Variants in CEMIP observed in about 807,000 individuals in gnomAD.
CEMIP encodes cell migration inducing hyaluronidase 1.
CEMIP carries 105 observed loss-of-function variants against 156.9 expected under a neutral mutation model. The observed-to-expected ratio is 0.67, with a 90% CI of 0.57 to 0.79. The LOEUF is 0.79. Ranked by LOEUF, CEMIP falls within the 30% of genes least tolerant of loss-of-function variation. CEMIP has a pLI of 0.00. For missense variants in CEMIP, 1,457 were observed against 1,769.4 expected (o/e 0.82, Z 3.17); for synonymous variants, 676 against 668.4 (o/e 1.01, Z -0.17).
intron 14 of CEMIP, among the ~76,000 whole-genome samples, chr15:80,917,309 G>GGCAGGAC (rs1326459510): frequency 2.0e-4 from 30 of 152,070 alleles, no homozygotes; most frequent in African/African-American, 7.0e-4. Flanking sequence ...GGAGGCAGGA[G>GGCAGGAC]GCAGGAGGCA....
At chr15:80,823,276 C>T (rs549632345) in intron 1 of CEMIP, among the ~76,000 whole-genome samples, 19 of 152,278 alleles carry the variant, frequency 1.2e-4, no homozygotes, top group African/African-American at 4.3e-4. Flanking sequence ...AAACACAAGT[C>T]GTTCCGTTGA....
intron 1 of CEMIP, among the ~76,000 whole-genome samples, chr15:80,806,648 G>A (rs1246020503): frequency 6.6e-6 from 1 of 152,190 alleles, no homozygotes; most frequent in Admixed American, 6.5e-5. Flanking sequence ...CTGGACAGCT[G>A]ATTGAGAGAG....
In CEMIP at chr15:80,950,910, C is replaced by A. The variant is rs924051689; in HGVS notation, c.*1986C>A. On this transcript the variant is annotated 3_prime_UTR_variant, in exon 30 of 30. Transcript: ENST00000394685. ...AAGAGGGCCTGCCTGGCTCCCTCCA[C>A]CCAACTGCACCCATGAGACTCGGTC... 2 of 152,758 alleles carry A rather than the reference C, an allele frequency of 1.3e-5. No individual in the cohort carries two copies. The highest frequency in any genetic ancestry group is 4.8e-5 in the African/African-American group (2 of 41,472). 9.5% of individuals were successfully genotyped at this position (152,758 alleles called of 1,614,324 possible).
intron 12 of CEMIP, among the ~76,000 whole-genome samples, chr15:80,905,815 TG>T (rs1303282744): frequency 6.6e-6 from 1 of 151,898 alleles, no homozygotes; most frequent in African/African-American, 2.4e-5. Context: ...GGGGTAAGAC[TG>T]GGGGTCAGTG....
In CEMIP at chr15:80,853,553, G is replaced by A. The variant is rs111936549; in HGVS notation, c.-175-19985G>A. Among the ~76,000 whole-genome samples, 1,169 of 152,252 alleles carry A rather than the reference G, an allele frequency of 7.7e-3. 16 individuals are homozygous for A. The highest frequency in any genetic ancestry group is 0.023 in the African/African-American group (960 of 41,536). ...AGAGATTTGGGAAGCCCTACAATAT[G>A]GTGGTCTTTGAAGCCCTAAGAAGGG... On this transcript the variant is annotated intron_variant, in intron 1 of 29. Coordinates refer to ENST00000394685, the MANE Select transcript of CEMIP (RefSeq NM_001293298.2).
At chr15:80,916,354 G>GT (rs965361869) in intron 14 of CEMIP, among the ~76,000 whole-genome samples, 2 of 152,186 alleles carry the variant, frequency 1.3e-5, no homozygotes, top group Non-Finnish European at 2.9e-5. Flanking sequence ...TGGACCACAC[G>GT]TAACAACAAC....
At position 80,895,023 on chromosome 15, in the gene CEMIP, G is replaced by A. The variant is rs568453376; in HGVS notation, c.1120G>A (p.Glu374Lys). The A allele has an allele frequency of 7.2e-5, 116 of 1,613,992 alleles. No homozygotes were observed. The highest frequency in any genetic ancestry group is 8.4e-5 in the Non-Finnish European group (99 of 1,180,016). ...TTMDGVNLST[E>K]VVYKKGQDYR... is the part of the protein sequence containing the mutation. ...AATGGATGGAGTTAACCTCAGCACC[G>A]AGGTTGTCTACAAAAAAGGCCAGGA... The change falls in exon 11 of 30, where the codon GAG becomes AAG. Residue 374 changes from glutamate (E) to lysine (K), a missense_variant. Glu to Lys is a moderately conservative substitution (Grantham distance 56). This residue lies in a region of CEMIP where 280 missense variants were observed against 300.3 expected (regional missense o/e 0.93). Coordinates refer to ENST00000394685, the MANE Select transcript of CEMIP (RefSeq NM_001293298.2).
intron 1 of CEMIP, among the ~76,000 whole-genome samples, chr15:80,873,076 T>A (rs974905396): frequency 9.2e-5 from 14 of 152,314 alleles, no homozygotes; most frequent in Non-Finnish European, 1.8e-4. Context: ...TAAGGGAATT[T>A]CCTGGAATTC....
intron 7 of CEMIP, 130 bp downstream of exon 7, chr15:80,884,484 A>G: frequency 5.4e-6 from 5 of 921,986 alleles, no homozygotes; most frequent in Non-Finnish European, 8.8e-6. Context: ...GGATGCAGGC[A>G]TTTGCATTTG....
At chr15:80,799,754 C>T (rs1364355919) in intron 1 of CEMIP, among the ~76,000 whole-genome samples, 1 of 152,062 alleles carries the variant, frequency 6.6e-6, no homozygotes, top group Non-Finnish European at 1.5e-5. Flanking sequence ...ATAATGAAAT[C>T]CTGTCTTTTG....
intron 1 of CEMIP, among the ~76,000 whole-genome samples, chr15:80,834,873 T>C (rs966865479): frequency 2.0e-5 from 3 of 152,176 alleles, no homozygotes; most frequent in African/African-American, 7.2e-5. Flanking sequence ...CAATATTGAG[T>C]CTTCCAATTC....
At chr15:80,926,784 A>G (rs1206140189) in intron 19 of CEMIP, among the ~76,000 whole-genome samples, 1 of 144,548 alleles carries the variant, frequency 6.9e-6, no homozygotes, top group Non-Finnish European at 1.5e-5. Context: ...TCAAAAAAGC[A>G]AAACTTAAAA....
At chr15:80,888,895 G>A (rs1898941752) in intron 9 of CEMIP, 99 bp downstream of exon 9, 1 of 1,094,632 alleles carries the variant, frequency 9.1e-7, no homozygotes, top group Non-Finnish European at 1.4e-6. Flanking sequence ...ATACCAGTAG[G>A]ACCACTTTAA....
chr15:80,879,724 G>T lies in CEMIP; in HGVS notation c.250G>T (p.Val84Phe), dbSNP rs757542063. 1 of 1,614,176 alleles carries T rather than the reference G, an allele frequency of 6.2e-7. No homozygotes were observed. Among genetic ancestry groups the T allele is most frequent in the Admixed American group, 1.7e-5 (1 of 60,030 alleles). Residue 84 changes from valine to phenylalanine, a missense_variant, in exon 5 of 30, where the codon GTC becomes TTC. By Grantham distance (50) the Val-to-Phe change is conservative (BLOSUM62 -1). Coordinates refer to ENST00000394685, the MANE Select transcript of CEMIP (RefSeq NM_001293298.2). ...CAATGCTACCTCTTCAGGCAAGCTG[G>T]TCATTAAAGACCACGACGAGCCGAT... is the stretch of plus-strand genomic sequence containing the variant. ...SIHISEGGKL[V>F]IKDHDEPIVL...
rs1901822769 is a variant in CEMIP at position 80,951,447 on chromosome 15, G to A, written c.*2523G>A. On this transcript the variant is annotated 3_prime_UTR_variant, in exon 30 of 30. Transcript: ENST00000394685. Reference sequence around the variant, plus strand: ...TGTTTGTAAGACTTAAGTGAGTTAGGTCTTTAAGGAAAGCAACGCTCCTCT... The same window carrying A: ...TGTTTGTAAGACTTAAGTGAGTTAGATCTTTAAGGAAAGCAACGCTCCTCT... 1 of 152,570 alleles carries A rather than the reference G, an allele frequency of 6.6e-6. No homozygotes were observed. 9.5% of individuals were successfully genotyped at this position (152,570 alleles called of 1,614,324 possible).
intron 7 of CEMIP, among the ~76,000 whole-genome samples, chr15:80,884,651 T>C (rs1252122220): frequency 4.6e-5 from 7 of 152,234 alleles, no homozygotes; most frequent in Admixed American, 4.6e-4. Flanking sequence ...CTACTGTGTG[T>C]AAGAGCCATG....
chr15:80,798,681 A>T (rs1896294601), intron 1 of CEMIP, among the ~76,000 whole-genome samples: 1 of 152,218 alleles, frequency 6.6e-6, no homozygotes, highest in Non-Finnish European at 1.5e-5. Flanking sequence ...TTCATATCAT[A>T]TACCTATTGA....
At chr15:80,880,391 AT>A (rs956698748) in intron 5 of CEMIP, among the ~76,000 whole-genome samples, 1 of 152,138 alleles carries the variant, frequency 6.6e-6, no homozygotes, top group African/African-American at 2.4e-5. Flanking sequence ...TGAGGGCTTT[AT>A]TTTGGTCTGG....
At chr15:80,849,778 A>T (rs941875641) in intron 1 of CEMIP, among the ~76,000 whole-genome samples, 3 of 152,222 alleles carry the variant, frequency 2.0e-5, no homozygotes, top group Non-Finnish European at 4.4e-5. Flanking sequence ...AATATACTAA[A>T]GGAAGTGAAA....
Sources: allele counts gnomAD v4.1 joint callset (sites outside exome capture counted in the v4.1 genomes callset), GRCh38; gene constraint gnomAD v4.1.1; regional missense constraint gnomAD v4.1.1; transcripts MANE v1.5; gene names NCBI Gene and HGNC (gene_info 2026-07-23, HGNC 2026-07-21).